The following GPHN variants were observed in gnomAD, a reference collection of about 807,000 sequenced individuals.
GPHN encodes the protein gephyrin.
In GPHN, 17 loss-of-function variants were observed where a neutral mutation model predicts 95.5. The ratio of observed to expected loss-of-function variants is 0.18; its 90% CI spans 0.12 to 0.27. The LOEUF is 0.27. Among genes scored for constraint, GPHN ranks in the 10% least tolerant of loss-of-function variants. The pLI is 1.00. For missense variants in GPHN, 660 were observed against 978.1 expected, an observed-to-expected ratio of 0.67 and a Z score of 4.34; for synonymous variants, 320 against 322.5, an observed-to-expected ratio of 0.99 and a Z score of 0.08.
At chr14:67,499,812 A>G in the GPHN span, among the ~76,000 whole-genome samples, 2 of 151,012 alleles carry the variant, frequency 1.3e-5, no homozygotes, top group Non-Finnish European at 2.9e-5. Context: ...TCCCACAGGC[A>G]TGACCATCAC....
At chr14:66,812,639 A>G (rs2060808350) in intron 3 of GPHN, among the ~76,000 whole-genome samples, 1 of 152,236 alleles carries the variant, frequency 6.6e-6, no homozygotes, top group Non-Finnish European at 1.5e-5. Flanking sequence ...AAGTAGCTGA[A>G]AAGTGTTTTC....
At chr14:66,692,036 G>A (rs1286108857) in intron 2 of GPHN, among the ~76,000 whole-genome samples, 1 of 152,140 alleles carries the variant, frequency 6.6e-6, no homozygotes, top group East Asian at 1.9e-4. Flanking sequence ...ATATATTTGT[G>A]AGCAAATGTT....
chr14:67,690,454 G>A, the GPHN span: 1 of 1,586,438 alleles, frequency 6.3e-7, no homozygotes. Flanking sequence ...ATGAAGTTCA[G>A]GGCCATGTAG....
At chr14:67,104,926 C>A (rs896834638) in intron 13 of GPHN, among the ~76,000 whole-genome samples, 2 of 151,882 alleles carry the variant, frequency 1.3e-5, no homozygotes, top group Non-Finnish European at 2.9e-5. Context: ...TGAGATATAT[C>A]ACTATGTTGT....
chr14:67,602,255 C>T, the GPHN span, among the ~76,000 whole-genome samples: 15,061 of 152,116 alleles, frequency 0.099, 798 homozygotes, highest in East Asian at 0.14. Context: ...GGGGAAGTGC[C>T]ACATTTTTAA....
the GPHN span, among the ~76,000 whole-genome samples, chr14:67,317,955 AG>A: frequency 6.6e-6 from 1 of 152,214 alleles, no homozygotes; most frequent in African/African-American, 2.4e-5. Context: ...ATGTTGGGCT[AG>A]TATTCCTAGG....
chr14:66,582,322 A>G (rs2061217827), intron 1 of GPHN, among the ~76,000 whole-genome samples: 1 of 152,138 alleles, frequency 6.6e-6, no homozygotes, highest in African/African-American at 2.4e-5. Flanking sequence ...AATTAAAAAT[A>G]TCTTGAGACA....
At chr14:66,749,938 C>T (rs769055888) in intron 2 of GPHN, among the ~76,000 whole-genome samples, 2 of 151,728 alleles carry the variant, frequency 1.3e-5, no homozygotes, top group Non-Finnish European at 3.0e-5. Flanking sequence ...ATTGTCACAT[C>T]AGGGTAAATG....
chr14:66,565,968 C>G (rs1594996092), intron 1 of GPHN, among the ~76,000 whole-genome samples: 1 of 143,222 alleles, frequency 7.0e-6, no homozygotes, highest in Admixed American at 6.9e-5. Flanking sequence ...AAAGAAAATT[C>G]TTTTTTTTTT....
At chr14:67,330,050 A>G in the GPHN span, among the ~76,000 whole-genome samples, 7 of 150,478 alleles carry the variant, frequency 4.7e-5, no homozygotes, top group Non-Finnish European at 1.0e-4. Context: ...AAAATCATCT[A>G]TATTGTGGTA....
chr14:67,695,591 A>ACAAG, the GPHN span: 1 of 1,580,404 alleles, frequency 6.3e-7, no homozygotes. Flanking sequence ...CCGCCCCGCA[A>ACAAG]CAAGAATTCT....
the GPHN span, among the ~76,000 whole-genome samples, chr14:67,538,390 G>A: frequency 6.6e-6 from 1 of 152,186 alleles, no homozygotes; most frequent in African/African-American, 2.4e-5. Flanking sequence ...GACTAATTGT[G>A]TTCGTCCTCC....
the GPHN span, among the ~76,000 whole-genome samples, chr14:67,564,196 T>C: frequency 6.6e-6 from 1 of 152,076 alleles, no homozygotes; most frequent in Non-Finnish European, 1.5e-5. Flanking sequence ...AGAGTCGGGG[T>C]TTCACCATGT....
the GPHN span, chr14:67,200,092 G>C: frequency 3.0e-6 from 3 of 1,012,358 alleles, no homozygotes; most frequent in Non-Finnish European, 4.4e-6. Context: ...GCCTTATCCT[G>C]GACCTCCTCC....
chr14:67,299,415 A>G, the GPHN span, among the ~76,000 whole-genome samples: 1 of 152,204 alleles, frequency 6.6e-6, no homozygotes, highest in Non-Finnish European at 1.5e-5. Flanking sequence ...CCTTTTGGTT[A>G]TCAATTTTCT....
chr14:67,234,590 C>T, the GPHN span, among the ~76,000 whole-genome samples: 1 of 152,108 alleles, frequency 6.6e-6, no homozygotes, highest in Admixed American at 6.5e-5. Context: ...CACTCTGTCC[C>T]CCAGGCTGGA....
At chr14:66,649,373 C>T (rs2064927513) in intron 1 of GPHN, among the ~76,000 whole-genome samples, 1 of 151,886 alleles carries the variant, frequency 6.6e-6, no homozygotes, top group Non-Finnish European at 1.5e-5. Context: ...TCCCCGACCC[C>T]CGGACCATGG....
At chr14:67,411,985 C>G in the GPHN span, 1 of 1,524,326 alleles carries the variant, frequency 6.6e-7, no homozygotes, top group Non-Finnish European at 8.8e-7. Flanking sequence ...GGGCCCCACC[C>G]GGGCAATGTC....
At chr14:67,393,373 G>A in the GPHN span, 2,511 of 716,756 alleles carry the variant, frequency 3.5e-3, 40 homozygotes, top group African/African-American at 0.035. Flanking sequence ...GAAAAGGGGT[G>A]TAGGAAAGCA....
Sources: gnomAD v4.1 joint callset for allele counts (sites outside exome capture counted in the v4.1 genomes callset) on GRCh38, gnomAD v4.1.1 for gene constraint, MANE v1.5 for transcripts, NCBI Gene and HGNC (gene_info 2026-07-23, HGNC 2026-07-21) for gene names.